The following ZFHX3 variants were observed in gnomAD, a reference collection of about 807,000 sequenced individuals.
ZFHX3 encodes the protein zinc finger homeobox 3, also known as zinc finger homeobox protein 3.
A neutral mutation model predicts 279.1 loss-of-function variants in ZFHX3; 42 were observed. The ratio of observed to expected loss-of-function variants is 0.15; its 90% CI spans 0.12 to 0.19. The LOEUF is 0.19. Ranked by LOEUF, ZFHX3 falls within the 10% of genes least tolerant of loss-of-function variation. ZFHX3 has a pLI of 1.00. For missense variants in ZFHX3, 4,981 were observed against 4,754.0 expected (o/e 1.05, Z -1.40); for synonymous variants, 2,293 against 1,957.8 (o/e 1.17, Z -4.52).
chr16:73,683,534 G>A (rs1056151071), intron 1 of ZFHX3, among the ~76,000 whole-genome samples: 4 of 152,006 alleles, frequency 2.6e-5, no homozygotes, highest in Admixed American at 1.3e-4. Flanking sequence ...CTAACCATGC[G>A]ACATGTTTTG....
At chr16:72,895,631 G>A (rs1049370215) in intron 3 of ZFHX3, among the ~76,000 whole-genome samples, 1 of 152,186 alleles carries the variant, frequency 6.6e-6, no homozygotes, top group East Asian at 1.9e-4. Flanking sequence ...AGAGCAGCCT[G>A]GGCAACATGG....
Position 73,704,864 on chromosome 16 carries a change from G to T in ZFHX3, c.-1607-24624C>A, listed in dbSNP as rs567895687. Among the ~76,000 whole-genome samples, 7 of 152,320 alleles carry T rather than the reference G, an allele frequency of 4.6e-5. No homozygotes were observed. In the South Asian group the frequency reaches 1.4e-3, roughly 32 times the overall value. On this transcript the variant is annotated intron_variant, in intron 1 of 17. Transcript: ENST00000641206. ...CATCTCCAAGCTGTCCCACCTGAGA[G>T]GTGAGGAAGCTCAAGTACTTATTTA...
intron 2 of ZFHX3, among the ~76,000 whole-genome samples, chr16:73,479,229 G>C (rs1184753453): frequency 6.6e-6 from 1 of 152,086 alleles, no homozygotes; most frequent in Non-Finnish European, 1.5e-5. Flanking sequence ...CTAATGACTG[G>C]GGAGCTGCCA....
Position 73,217,471 on chromosome 16 carries a change from C to T in ZFHX3, c.-1104+39576G>A, listed in dbSNP as rs556165994. 7.0e-4 allele frequency among the ~76,000 whole-genome samples: 106 copies of T among 152,170 alleles called. No homozygotes were observed. The Middle Eastern group carries it at 0.014, about 20-fold the overall frequency. Reference sequence around the variant, plus strand: ...TTTTGTTTTGTTTTAAAAAGGGCAGCCTGGCCCTACACTAAGCAATTGATC... The same window carrying T: ...TTTTGTTTTGTTTTAAAAAGGGCAGTCTGGCCCTACACTAAGCAATTGATC... On this transcript the variant is annotated intron_variant, in intron 5 of 17. Coordinates refer to the ZFHX3 transcript ENST00000641206.
chr16:73,806,643 A>G (rs1236216461), intron 1 of ZFHX3, among the ~76,000 whole-genome samples: 2 of 152,194 alleles, frequency 1.3e-5, no homozygotes, highest in Admixed American at 1.3e-4. Context: ...GTGCCATCCC[A>G]TGCTAAGGTC....
chr16:73,123,721 TA>T (rs1966527286), intron 7 of ZFHX3: 1 of 152,150 alleles, frequency 6.6e-6, no homozygotes, highest in African/African-American at 2.4e-5. Flanking sequence ...TGTTGAAACC[TA>T]ATCCCCAATT....
At position 73,834,314 on chromosome 16, in the gene ZFHX3, G is replaced by C. The variant is rs530654803; in HGVS notation, c.-1608+57337C>G. ...GAAGTGGTAAGAGCAACAGATGAAG[G>C]ATCATTTCTTTACTCATGAAAAAGG... On this transcript the variant is annotated intron_variant, in intron 1 of 17. Coordinates refer to the ZFHX3 transcript ENST00000641206. 2.6e-5 allele frequency among the ~76,000 whole-genome samples: 4 copies of C among 152,300 alleles called. No individual in the cohort carries two copies. The East Asian group carries it at 7.7e-4, about 30-fold the overall frequency.
intron 2 of ZFHX3, among the ~76,000 whole-genome samples, chr16:73,520,018 A>T (rs2019585734): frequency 6.6e-6 from 1 of 152,212 alleles, no homozygotes; most frequent in Non-Finnish European, 1.5e-5. Flanking sequence ...TTTAAAGATA[A>T]AAGAATGTAT....
At chr16:73,726,943 C>G (rs2053523996) in intron 1 of ZFHX3, among the ~76,000 whole-genome samples, 1 of 152,134 alleles carries the variant, frequency 6.6e-6, no homozygotes, top group African/African-American at 2.4e-5. Context: ...AGTTGGGATC[C>G]CAAAAAGTCT....
intron 3 of ZFHX3, among the ~76,000 whole-genome samples, chr16:73,433,716 C>T (rs369640111): frequency 6.6e-6 from 1 of 152,196 alleles, no homozygotes; most frequent in East Asian, 1.9e-4. Flanking sequence ...GAGGCAGACG[C>T]CCAGCCTGTA....
chr16:73,113,793 C>CTTTTTTTTTT (rs71391487), intron 7 of ZFHX3, among the ~76,000 whole-genome samples: 4 of 103,006 alleles, frequency 3.9e-5, no homozygotes, highest in Non-Finnish European at 7.3e-5. Context: ...TTTTTGGAAA[C>CTTTTTTTTTT]TTTTTTTTTT....
Position 73,241,562 on chromosome 16 carries a change from G to A in ZFHX3, c.-1104+15485C>T, listed in dbSNP as rs529968376. On this transcript the variant is annotated intron_variant, in intron 5 of 17. Transcript: ENST00000641206. ...TCCCAGCACTTTTGGATGCCCAGGC[G>A]GGTGGATCACCTGAGGTCAGGAGTT... 1.4e-4 allele frequency among the ~76,000 whole-genome samples: 22 copies of A among 151,992 alleles called. No homozygotes were observed. In the South Asian group the frequency reaches 2.3e-3, roughly 16 times the overall value.
rs116600633 is a variant in ZFHX3 at position 73,768,156 on chromosome 16, C to T, written c.-1607-87916G>A. Reference sequence around the variant, plus strand: ...CTTTCCCTCCTATCACTCTCTAATCCAGTCTTGATCCAAAGACTGTGTTCC... The same window carrying T: ...CTTTCCCTCCTATCACTCTCTAATCTAGTCTTGATCCAAAGACTGTGTTCC... On this transcript the variant is annotated intron_variant, in intron 1 of 17. Transcript: ENST00000641206. Among the ~76,000 whole-genome samples the T allele has an allele frequency of 2.4e-3, 361 of 152,250 alleles. 4 individuals carry two copies. The highest frequency in any genetic ancestry group is 7.7e-3 in the African/African-American group (321 of 41,554).
At chr16:73,833,432 C>T (rs987923058) in intron 1 of ZFHX3, among the ~76,000 whole-genome samples, 8 of 152,154 alleles carry the variant, frequency 5.3e-5, no homozygotes, top group Non-Finnish European at 8.8e-5. Context: ...TTCCTGTCCT[C>T]AAGAAACTCA....
chr16:73,785,060 A>G (rs1208400783), intron 1 of ZFHX3, among the ~76,000 whole-genome samples: 1 of 152,152 alleles, frequency 6.6e-6, no homozygotes, highest in Non-Finnish European at 1.5e-5. Context: ...AACTATGGAA[A>G]ACGAGGATTC....
chr16:73,859,547 T>G (rs921013982), intron 1 of ZFHX3, among the ~76,000 whole-genome samples: 6 of 152,230 alleles, frequency 3.9e-5, no homozygotes, highest in African/African-American at 1.4e-4. Context: ...CTAGAAGGAC[T>G]GGAGCAGAGG....
At chr16:73,134,153 A>G (rs1966745648) in intron 6 of ZFHX3, among the ~76,000 whole-genome samples, 1 of 152,124 alleles carries the variant, frequency 6.6e-6, no homozygotes, top group Admixed American at 6.5e-5. Context: ...TCTCACAGAT[A>G]GTAAATGGTA....
At position 72,797,931 on chromosome 16, in the gene ZFHX3, T is replaced by C. The variant is rs748312343; in HGVS notation, c.4751A>G (p.Gln1584Arg). Reference protein sequence around the residue: ...KRALQESATGQPEPTSSPDNK... With the variant: ...KRALQESATGRPEPTSSPDNK... ...GTCTGGGCTGCTGGTGGGTTCTGGC[T>C]GACCGGTTGCTGATTCTTGAAGGGC... The change falls in exon 9 of 10, where the codon CAG becomes CGG. Residue 1584 changes from glutamine (Q) to arginine (R), a missense_variant. Gln to Arg is a conservative substitution (Grantham distance 43). This residue lies in a region of ZFHX3 where 1,751 missense variants were observed against 1,770.0 expected (regional missense o/e 0.99). Transcript: ENST00000268489. The C allele has an allele frequency of 1.5e-5, 24 of 1,614,228 alleles. No individual in the cohort carries two copies. Among genetic ancestry groups the C allele is most frequent in the Non-Finnish European group, 1.9e-5 (23 of 1,180,030 alleles).
chr16:72,791,797 T>A (rs1006437307), intron 9 of ZFHX3, among the ~76,000 whole-genome samples: 2 of 152,242 alleles, frequency 1.3e-5, no homozygotes, highest in African/African-American at 4.8e-5. Context: ...ACAACTTCTA[T>A]GTCTTAATGC....
Sources: gnomAD v4.1 joint callset for allele counts (sites outside exome capture counted in the v4.1 genomes callset) on GRCh38, gnomAD v4.1.1 for gene constraint, gnomAD v4.1.1 regional missense constraint, MANE v1.5 for transcripts, NCBI Gene and HGNC (gene_info 2026-07-23, HGNC 2026-07-21) for gene names.